The following EPHA3 variants were observed in gnomAD, a reference collection of about 807,000 sequenced individuals.
EPHA3 encodes the protein EPH receptor A3, also known as ephrin type-A receptor 3.
In EPHA3, 42 loss-of-function variants were observed where a neutral mutation model predicts 107.1. The observed-to-expected ratio is 0.39, with a 90% CI of 0.31 to 0.51. The LOEUF (loss-of-function observed/expected upper bound fraction) is 0.51. Ranked by LOEUF, EPHA3 falls within the 20% of genes least tolerant of loss-of-function variation. EPHA3 has a pLI of 0.78. For missense variants in EPHA3, 1,183 were observed against 1,211.2 expected (o/e 0.98, Z 0.35); for synonymous variants, 461 against 424.8 (o/e 1.09, Z -1.05).
rs539199167 is a variant in EPHA3 at position 89,341,435 on chromosome 3, AG to A, written c.971-318del. Among the ~76,000 whole-genome samples the A allele has an allele frequency of 2.2e-3, 330 of 152,290 alleles. 2 individuals carry two copies. The highest frequency in any genetic ancestry group is 7.6e-3 in the African/African-American group (314 of 41,552). On this transcript the variant is annotated intron_variant, in intron 4 of 16. Coordinates refer to ENST00000336596, the MANE Select transcript of EPHA3 (RefSeq NM_005233.6). Reference sequence around the variant, plus strand: ...TGTTGGTCATAGGTCATAGGGAAAAAGGACTAAGAGTTATAAAACTAATACT... The same window carrying A: ...TGTTGGTCATAGGTCATAGGGAAAAAGACTAAGAGTTATAAAACTAATACT...
At position 89,450,253 on chromosome 3, in the gene EPHA3, T is replaced by C. The variant is rs1389159811; in HGVS notation, c.2573T>C (p.Leu858Pro). Residue 858 changes from leucine (L) to proline (P), a missense_variant, in exon 15 of 17, where the codon CTG (leucine) becomes CCG (proline). Physicochemically the swap from Leu to Pro is moderately conservative, Grantham distance 98. Transcript: ENST00000336596. Reference protein sequence around the residue: ...DCPAALYQLMLDCWQKDRNNR... With the variant: ...DCPAALYQLMPDCWQKDRNNR... ...CCAGCTGCCTTGTATCAGCTGATGC[T>C]GGACTGCTGGCAGAAAGACAGGAAC... The C allele has an allele frequency of 6.2e-7, 1 of 1,613,878 alleles. No individual in the cohort carries two copies. Among genetic ancestry groups the C allele is most frequent in the Non-Finnish European group, 8.5e-7 (1 of 1,179,938 alleles).
intron 13 of EPHA3, among the ~76,000 whole-genome samples, chr3:89,443,251 A>C (rs1396045442): frequency 2.0e-5 from 3 of 152,182 alleles, no homozygotes; most frequent in Non-Finnish European, 4.4e-5. Context: ...TTATGGAGTC[A>C]AATGAAAATC....
intron 7 of EPHA3, among the ~76,000 whole-genome samples, chr3:89,404,508 A>G (rs1709019851): frequency 6.6e-6 from 1 of 152,212 alleles, no homozygotes; most frequent in African/African-American, 2.4e-5. Context: ...TAAAATGGAA[A>G]TGAATAGAAA....
In EPHA3 at chr3:89,472,511, T is replaced by G. The variant is rs904397974; in HGVS notation, c.2738T>G (p.Phe913Cys). ...CAAAGCAATGTGGATATCACTACCTTCCGCACAACAGGTGACTGGCTTAAT... is the reference window on the plus strand; with the variant it reads ...CAAAGCAATGTGGATATCACTACCTGCCGCACAACAGGTGACTGGCTTAAT... ...LDQSNVDITT[F>C]RTTGDWLNGV... The change falls in exon 16 of 17, where the codon TTC becomes TGC. Residue 913 changes from phenylalanine to cysteine, a missense_variant. Phe to Cys is a radical substitution (Grantham distance 205). Coordinates refer to ENST00000336596, the MANE Select transcript of EPHA3 (RefSeq NM_005233.6). 1 of 1,613,934 alleles carries G rather than the reference T, an allele frequency of 6.2e-7. No individual in the cohort carries two copies. Among genetic ancestry groups the G allele is most frequent in the Non-Finnish European group, 8.5e-7 (1 of 1,179,992 alleles).
At chr3:89,187,978 C>G (rs1476108496) in intron 2 of EPHA3, among the ~76,000 whole-genome samples, 1 of 152,098 alleles carries the variant, frequency 6.6e-6, no homozygotes, top group Non-Finnish European at 1.5e-5. Context: ...TAACTGGTAT[C>G]TCCTAAACAG....
chr3:89,344,315 T>G (rs1268433601), intron 5 of EPHA3, among the ~76,000 whole-genome samples: 2 of 152,176 alleles, frequency 1.3e-5, no homozygotes, highest in Non-Finnish European at 2.9e-5. Context: ...ATTGATGCTT[T>G]GGCCCTCCCA....
At chr3:89,386,168 G>A (rs1708617287) in intron 5 of EPHA3, among the ~76,000 whole-genome samples, 1 of 152,178 alleles carries the variant, frequency 6.6e-6, no homozygotes. Context: ...TTTTGGTGGG[G>A]GAGAAATTCA....
intron 15 of EPHA3, among the ~76,000 whole-genome samples, chr3:89,456,357 G>A (rs968083969): frequency 1.3e-5 from 2 of 151,986 alleles, no homozygotes; most frequent in Non-Finnish European, 1.5e-5. Context: ...ACCCTGTAGT[G>A]TCTTTTAAGA....
In EPHA3 at chr3:89,415,091, C is replaced by T. The variant is rs1459714826; in HGVS notation, c.1888+1825C>T. On this transcript the variant is annotated intron_variant, in intron 10 of 16. Coordinates refer to ENST00000336596, the MANE Select transcript of EPHA3 (RefSeq NM_005233.6). ...TACAATATACACACCCAATTCTAGA[C>T]TGCCTTGATGACCTTTCAGAGGGTT... 4.0e-5 allele frequency among the ~76,000 whole-genome samples: 6 copies of T among 151,636 alleles called. No homozygotes were observed. In the East Asian group the frequency reaches 1.2e-3, roughly 30 times the overall value.
At chr3:89,132,563 A>G (rs1365953503) in intron 2 of EPHA3, among the ~76,000 whole-genome samples, 1 of 152,202 alleles carries the variant, frequency 6.6e-6, no homozygotes, top group Non-Finnish European at 1.5e-5. Context: ...CTTATTATAT[A>G]ATCAGATGTA....
intron 3 of EPHA3, among the ~76,000 whole-genome samples, chr3:89,295,561 A>G (rs550954747): frequency 6.6e-6 from 1 of 152,188 alleles, no homozygotes; most frequent in African/African-American, 2.4e-5. Context: ...AGTTTGTGTA[A>G]TATTCTAAAT....
chr3:89,190,770 T>A (rs1435827294), intron 2 of EPHA3, among the ~76,000 whole-genome samples: 2 of 152,226 alleles, frequency 1.3e-5, no homozygotes, highest in Non-Finnish European at 2.9e-5. Flanking sequence ...TTCAAGCCTC[T>A]CTTTCTGGCT....
intron 3 of EPHA3, among the ~76,000 whole-genome samples, chr3:89,318,725 C>A (rs1462849026): frequency 2.0e-5 from 3 of 151,810 alleles, no homozygotes; most frequent in Admixed American, 1.3e-4. Flanking sequence ...AATCTATTGA[C>A]CACGTATAAA....
intron 15 of EPHA3, among the ~76,000 whole-genome samples, chr3:89,469,039 GAAAA>G (rs1032152438): frequency 1.3e-5 from 2 of 151,890 alleles, no homozygotes; most frequent in Non-Finnish European, 2.9e-5. Context: ...ATTGCTAAAG[GAAAA>G]AATTAATATT....
chr3:89,244,758 C>T (rs1324095593), intron 3 of EPHA3, among the ~76,000 whole-genome samples: 1 of 152,150 alleles, frequency 6.6e-6, no homozygotes, highest in Non-Finnish European at 1.5e-5. Flanking sequence ...ATAATGTGAA[C>T]ATTTCTTCAG....
In EPHA3 at chr3:89,384,981, T is replaced by C. The variant is rs1576349737; in HGVS notation, c.1307-10856T>C. On this transcript the variant is annotated intron_variant, in intron 5 of 16. Coordinates refer to ENST00000336596, the MANE Select transcript of EPHA3 (RefSeq NM_005233.6). The stretch of plus-strand genomic sequence containing the variant: ...GAACATCCCAGAAAAGAGATAAGAA[T>C]ATTGTAGAACATCCCAGCAATCCAA... 2.0e-5 allele frequency among the ~76,000 whole-genome samples: 3 copies of C among 152,144 alleles called. No individual in the cohort carries two copies. The East Asian group carries it at 5.8e-4, about 29-fold the overall frequency.
At chr3:89,411,744 A>G (rs554858827) in intron 9 of EPHA3, among the ~76,000 whole-genome samples, 3 of 151,858 alleles carry the variant, frequency 2.0e-5, no homozygotes, top group Non-Finnish European at 4.4e-5. Context: ...CCTAATGTTC[A>G]TTGTACTGAG....
rs75283984 is a variant in EPHA3, at chr3:89,363,399, C to T, written c.1306+21309C>T. On this transcript the variant is annotated intron_variant, in intron 5 of 16. Coordinates refer to ENST00000336596, the MANE Select transcript of EPHA3 (RefSeq NM_005233.6). ...GATAGGCTGGAAACCTAGGGAACAG[C>T]TGACATTGCAGCTTGAGTCTGAATG... 4.5e-3 allele frequency among the ~76,000 whole-genome samples: 677 copies of T among 150,804 alleles called. 16 individuals carry two copies. Among genetic ancestry groups the T allele is most frequent in the African/African-American group, 0.012 (513 of 41,396 alleles).
At chr3:89,356,763 T>A (rs1707966915) in intron 5 of EPHA3, among the ~76,000 whole-genome samples, 1 of 151,096 alleles carries the variant, frequency 6.6e-6, no homozygotes, top group Non-Finnish European at 1.5e-5. Flanking sequence ...TTGAAAGTTA[T>A]ATATATTGGC....
Sources: allele counts gnomAD v4.1 joint callset (sites outside exome capture counted in the v4.1 genomes callset), GRCh38; gene constraint gnomAD v4.1.1; transcripts MANE v1.5; gene names NCBI Gene and HGNC (gene_info 2026-07-23, HGNC 2026-07-21).